NKAIN3: variants seen among roughly 807,000 people sequenced by gnomAD.
The protein encoded by NKAIN3 is sodium/potassium transporting ATPase interacting 3, also known as sodium/potassium-transporting ATPase subunit beta-1-interacting protein 3.
A neutral mutation model predicts 30.2 loss-of-function variants in NKAIN3; 25 were observed. The observed-to-expected ratio is 0.83, with a 90% CI of 0.60 to 1.16. The LOEUF is 1.16. Ranked by LOEUF, NKAIN3 falls within the 50% of genes most tolerant of loss-of-function variation. The probability of loss-of-function intolerance (pLI) is 0.00; values close to 1 mark genes in which losing one functional copy is unlikely to be tolerated. For synonymous variants in NKAIN3, 91 were observed against 89.6 expected (o/e 1.02, Z -0.09); for missense variants, 225 against 254.1 (o/e 0.89, Z 0.78).
Position 62,670,894 on chromosome 8 carries a change from C to T in NKAIN3, c.274-76038C>T, listed in dbSNP as rs1432544324. 2.0e-5 allele frequency among the ~76,000 whole-genome samples: 3 copies of T among 151,216 alleles called. No individual in the cohort carries two copies. The East Asian group carries it at 5.8e-4, about 29-fold the overall frequency. Reference sequence around the variant, plus strand: ...ACACATACAAGCACACACACACACACACACACACACACACACACACACACA... The same window carrying T: ...ACACATACAAGCACACACACACACATACACACACACACACACACACACACA... On this transcript the variant is annotated intron_variant, in intron 3 of 6. Coordinates refer to ENST00000623646, the MANE Select transcript of NKAIN3 (RefSeq NM_001304533.3).
chr8:62,743,133 A>G (rs1284482826), intron 3 of NKAIN3, among the ~76,000 whole-genome samples: 3 of 152,220 alleles, frequency 2.0e-5, no homozygotes, highest in East Asian at 1.9e-4. Context: ...GCCAAATTAT[A>G]TCACCCATGT....
At chr8:62,310,537 C>CT (rs895854734) in intron 1 of NKAIN3, among the ~76,000 whole-genome samples, 3 of 150,534 alleles carry the variant, frequency 2.0e-5, no homozygotes, top group Non-Finnish European at 4.4e-5. Context: ...ACAGTTGCTG[C>CT]TAGGATACAT....
rs140028744 is a variant in NKAIN3 at position 62,764,780 on chromosome 8, A to C, written c.471+17651A>C. Among the ~76,000 whole-genome samples, 831 of 152,334 alleles carry C rather than the reference A, an allele frequency of 5.5e-3. 7 individuals are homozygous for C. The highest frequency in any genetic ancestry group is 0.019 in the African/African-American group (797 of 41,572). On this transcript the variant is annotated intron_variant, in intron 4 of 6. Coordinates refer to ENST00000623646, the MANE Select transcript of NKAIN3 (RefSeq NM_001304533.3). ...GCTTGACAATGTCATACAGGTCAAA[A>C]TCCTCAAATCATGAGATTTATGTGT...
intron 5 of NKAIN3, among the ~76,000 whole-genome samples, chr8:62,933,032 G>A (rs900144395): frequency 2.8e-5 from 2 of 70,342 alleles, no homozygotes; most frequent in Admixed American, 1.4e-4. Flanking sequence ...ACACACACCA[G>A]GGAATGAGAG....
At chr8:62,591,001 A>T (rs940176548) in intron 3 of NKAIN3, among the ~76,000 whole-genome samples, 6 of 151,978 alleles carry the variant, frequency 3.9e-5, no homozygotes, top group Non-Finnish European at 8.8e-5. Context: ...AATTAAATTA[A>T]TGTCTAGTTA....
In NKAIN3 at chr8:62,384,292, C is replaced by T. The variant is rs187566976; in HGVS notation, c.54+135165C>T. 1.9e-3 allele frequency among the ~76,000 whole-genome samples: 284 copies of T among 152,192 alleles called. 1 individual carries two copies. Among genetic ancestry groups the T allele is most frequent in the African/African-American group, 6.4e-3 (267 of 41,550 alleles). Reference sequence around the variant, plus strand: ...GTAGTGCAGTAGTTAATATAGTTAACGTTACGCAGTTATGATTTAACATTG... The same window carrying T: ...GTAGTGCAGTAGTTAATATAGTTAATGTTACGCAGTTATGATTTAACATTG... On this transcript the variant is annotated intron_variant, in intron 1 of 6. Transcript: ENST00000623646.
chr8:62,419,414 A>G (rs1037689678), intron 1 of NKAIN3, among the ~76,000 whole-genome samples: 1 of 152,228 alleles, frequency 6.6e-6, no homozygotes, highest in Non-Finnish European at 1.5e-5. Context: ...CACCCAGGAA[A>G]GAACTCTGGA....
intron 1 of NKAIN3, among the ~76,000 whole-genome samples, chr8:62,396,968 T>A (rs1225106602): frequency 1.3e-5 from 2 of 152,202 alleles, no homozygotes; most frequent in East Asian, 3.8e-4. Flanking sequence ...ACATACAGGT[T>A]TTAACAATTT....
At chr8:62,771,275 T>TAATTA (rs1445365492) in intron 4 of NKAIN3, among the ~76,000 whole-genome samples, 4 of 151,664 alleles carry the variant, frequency 2.6e-5, no homozygotes, top group African/African-American at 9.7e-5. Flanking sequence ...AAAAAATAAA[T>TAATTA]GAATAAATAC....
chr8:62,489,567 C>T (rs547550710), intron 1 of NKAIN3, among the ~76,000 whole-genome samples: 1 of 152,132 alleles, frequency 6.6e-6, no homozygotes, highest in South Asian at 2.1e-4. Flanking sequence ...AAATAAAATT[C>T]CACTATAGAT....
At chr8:62,385,058 A>G (rs1260381775) in intron 1 of NKAIN3, among the ~76,000 whole-genome samples, 2 of 152,144 alleles carry the variant, frequency 1.3e-5, no homozygotes, top group Non-Finnish European at 2.9e-5. Flanking sequence ...CTCATCACCC[A>G]CAGGACATGA....
At chr8:62,640,412 T>A (rs552859198) in intron 3 of NKAIN3, among the ~76,000 whole-genome samples, 1 of 152,246 alleles carries the variant, frequency 6.6e-6, no homozygotes, top group African/African-American at 2.4e-5. Flanking sequence ...CTGCCATGAT[T>A]GTAAGTTTCC....
At chr8:62,997,286 A>C (rs1417149477) in intron 5 of NKAIN3, among the ~76,000 whole-genome samples, 2 of 152,252 alleles carry the variant, frequency 1.3e-5, no homozygotes, top group African/African-American at 4.8e-5. Flanking sequence ...AAGTGATAAT[A>C]AAGACAGGCA....
rs1229702587 is a variant in NKAIN3 at position 62,409,071 on chromosome 8, AT to A, written c.54+159950del. 1.8e-4 allele frequency among the ~76,000 whole-genome samples: 28 copies of A among 152,242 alleles called. No homozygotes were observed. In the South Asian group the frequency reaches 5.6e-3, roughly 30 times the overall value. On this transcript the variant is annotated intron_variant, in intron 1 of 6. Transcript: ENST00000623646. ...ATATTTGATCACTGGTGAGATTGAC[AT>A]TTTTTCATGCGCTTATATAATTTCT...
chr8:62,764,096 C>A (rs1288900392), intron 4 of NKAIN3, among the ~76,000 whole-genome samples: 1 of 152,156 alleles, frequency 6.6e-6, no homozygotes, highest in East Asian at 1.9e-4. Flanking sequence ...ATTATGCCGA[C>A]CTTAGCCATT....
chr8:62,746,843 A>T, intron 3 of NKAIN3, 89 bp from the exon 4 acceptor site: 3 of 883,702 alleles, frequency 3.4e-6, no homozygotes, highest in South Asian at 1.8e-5. Context: ...TAGCAATTTC[A>T]TCTACCCTGA....
chr8:62,867,385 T>G (rs766081064), intron 4 of NKAIN3, among the ~76,000 whole-genome samples: 1 of 152,178 alleles, frequency 6.6e-6, no homozygotes, highest in Non-Finnish European at 1.5e-5. Flanking sequence ...CTCAACATAG[T>G]GCCTAGCACA....
At chr8:62,503,574 A>G (rs1397088961) in intron 1 of NKAIN3, among the ~76,000 whole-genome samples, 1 of 152,080 alleles carries the variant, frequency 6.6e-6, no homozygotes, top group Non-Finnish European at 1.5e-5. Context: ...GGCGTATCTC[A>G]GTCCTTATCT....
At chr8:62,782,142 T>C (rs1817371958) in intron 4 of NKAIN3, among the ~76,000 whole-genome samples, 5 of 151,898 alleles carry the variant, frequency 3.3e-5, no homozygotes, top group Admixed American at 2.6e-4. Context: ...AAAGAAGATA[T>C]GCAAATGGCC....
Sources: allele counts gnomAD v4.1 joint callset (sites outside exome capture counted in the v4.1 genomes callset), GRCh38; gene constraint gnomAD v4.1.1; transcripts MANE v1.5; gene names NCBI Gene and HGNC (gene_info 2026-07-23, HGNC 2026-07-21).